The following PCDHA7 variants were observed in gnomAD, a reference collection of about 807,000 sequenced individuals.
PCDHA7 encodes protocadherin alpha-7.
A neutral mutation model predicts 57.2 loss-of-function variants in PCDHA7; 37 were observed. That is an observed-to-expected ratio of 0.65 (90% CI 0.50 to 0.85). The LOEUF (loss-of-function observed/expected upper bound fraction) is 0.85, where lower values mean the gene tolerates loss of function less well. Among genes scored for constraint, PCDHA7 ranks in the 40% least tolerant of loss-of-function variants. PCDHA7 has a pLI of 0.00. For synonymous variants in PCDHA7, 553 were observed against 558.8 expected, an observed-to-expected ratio of 0.99 and a Z score of 0.15; for missense variants, 1,188 against 1,241.8, an observed-to-expected ratio of 0.96 and a Z score of 0.65.
chr5:140,846,741 C>G (rs1466625417), intron 1 of PCDHA7, among the ~76,000 whole-genome samples: 1 of 149,290 alleles, frequency 6.7e-6, no homozygotes, highest in African/African-American at 2.5e-5. Flanking sequence ...AAATAGGACC[C>G]TTACAGATCT....
intron 1 of PCDHA7, among the ~76,000 whole-genome samples, chr5:140,846,538 C>A (rs553937365): frequency 1.3e-5 from 2 of 148,384 alleles, no homozygotes; most frequent in African/African-American, 4.9e-5. Context: ...CCATGCCCTG[C>A]TAATTTTTTG....
At chr5:140,897,381 T>C (rs1258843270) in intron 1 of PCDHA7, among the ~76,000 whole-genome samples, 1 of 136,686 alleles carries the variant, frequency 7.3e-6, no homozygotes, top group Non-Finnish European at 1.5e-5. Flanking sequence ...CCCTTCCCCT[T>C]CCTGTGTCCA....
At chr5:140,905,234 C>T (rs1303215169) in intron 1 of PCDHA7, among the ~76,000 whole-genome samples, 1 of 152,144 alleles carries the variant, frequency 6.6e-6, no homozygotes, top group African/African-American at 2.4e-5. Flanking sequence ...GATGAGGATC[C>T]AGTTTCATTC....
rs782610584 is a variant in PCDHA7 at position 140,883,582 on chromosome 5, G to C, written c.2355+46844G>C. 38 of 1,613,902 alleles carry C rather than the reference G, an allele frequency of 2.4e-5. No homozygotes were observed. The African/African-American group carries it at 3.7e-4, about 16-fold the overall frequency. ...GGGGCTCGCCTTCGCTGTGGGCCAC[G>C]GCCAGCGTGTCGGTGGGGGTGGCCG... is the stretch of plus-strand genomic sequence containing the variant. On this transcript the variant is annotated intron_variant, in intron 1 of 3. Transcript: ENST00000525929.
rs2150353196 is a variant in PCDHA7 at position 140,843,120 on chromosome 5, A to G, written c.2355+6382A>G. The G allele has an allele frequency of 2.5e-6, 4 of 1,595,472 alleles. 1 individual carries two copies. Among genetic ancestry groups the G allele is most frequent in the Non-Finnish European group, 3.4e-6 (4 of 1,165,480 alleles). Reference sequence around the variant, plus strand: ...GCGAAGGTGCGCGCAGTGGACGCCGACTCGGGCTACAACGCGTGGCTTTCG... The same window carrying G: ...GCGAAGGTGCGCGCAGTGGACGCCGGCTCGGGCTACAACGCGTGGCTTTCG... On this transcript the variant is annotated intron_variant, in intron 1 of 3. Coordinates refer to ENST00000525929, the MANE Select transcript of PCDHA7 (RefSeq NM_018910.3).
rs782242128 is a variant in PCDHA7 at position 140,928,580 on chromosome 5, GT to G, written c.2356-50367del. 100 of 1,614,112 alleles carry G rather than the reference GT, an allele frequency of 6.2e-5. 1 individual carries two copies. The East Asian group carries it at 2.2e-3, about 36-fold the overall frequency. ...ATCTTGTTTCCCTTGCCCAGAAATG[GT>G]TCTGTCCCAGTGGAAATTGTGCCCC... On this transcript the variant is annotated intron_variant, in intron 1 of 3. Transcript: ENST00000525929.
intron 1 of PCDHA7, chr5:140,883,274 C>T (rs1554177451): frequency 1.9e-6 from 3 of 1,613,998 alleles, no homozygotes; most frequent in South Asian, 2.2e-5. Flanking sequence ...TCATTGTACC[C>T]TTTTGGTGGA....
At chr5:140,981,049 T>C (rs2096916420) in intron 2 of PCDHA7, among the ~76,000 whole-genome samples, 1 of 152,158 alleles carries the variant, frequency 6.6e-6, no homozygotes. Context: ...AAACAGATAA[T>C]TCTAGAGTGT....
At chr5:140,974,931 A>G (rs555720345) in intron 1 of PCDHA7, among the ~76,000 whole-genome samples, 1 of 152,324 alleles carries the variant, frequency 6.6e-6, no homozygotes, top group African/African-American at 2.4e-5. Context: ...TGTTTAAAAC[A>G]CCACCTATTT....
chr5:140,975,396 A>G (rs1366048936), intron 1 of PCDHA7, among the ~76,000 whole-genome samples: 2 of 152,248 alleles, frequency 1.3e-5, no homozygotes, highest in African/African-American at 4.8e-5. Flanking sequence ...GATCCATCAC[A>G]ATCACAGTCT....
At chr5:140,883,927 G>A (rs781895204) in intron 1 of PCDHA7, 2 of 1,613,456 alleles carry the variant, frequency 1.2e-6, no homozygotes, top group South Asian at 1.1e-5. Flanking sequence ...CGCTGCAGGT[G>A]TTCGTGCTGG....
At chr5:140,875,951 C>T in intron 1 of PCDHA7, 1 of 1,614,116 alleles carries the variant, frequency 6.2e-7, no homozygotes, top group South Asian at 1.1e-5. Context: ...GCTTCTGATG[C>T]GGATATCGGC....
At chr5:140,935,253 A>G (rs1469038997) in intron 1 of PCDHA7, among the ~76,000 whole-genome samples, 1 of 152,226 alleles carries the variant, frequency 6.6e-6, no homozygotes, top group Non-Finnish European at 1.5e-5. Flanking sequence ...GATAAAATAC[A>G]TCACATGTTT....
At chr5:140,994,329 T>A (rs1041024319) in intron 3 of PCDHA7, among the ~76,000 whole-genome samples, 2 of 152,096 alleles carry the variant, frequency 1.3e-5, no homozygotes, top group Non-Finnish European at 2.9e-5. Context: ...TCAGCAACCA[T>A]GAACAGTGGA....
At chr5:140,965,402 G>A (rs1554227671) in intron 1 of PCDHA7, among the ~76,000 whole-genome samples, 1 of 152,112 alleles carries the variant, frequency 6.6e-6, no homozygotes, top group Non-Finnish European at 1.5e-5. Context: ...AGTCTAAGGA[G>A]TCTTATATTT....
At chr5:140,951,276 T>C (rs1554219829) in intron 1 of PCDHA7, among the ~76,000 whole-genome samples, 1 of 152,200 alleles carries the variant, frequency 6.6e-6, no homozygotes, top group African/African-American at 2.4e-5. Context: ...CTATGTTAGG[T>C]AATTTTGGAT....
chr5:141,010,272 T>C lies in PCDHA7; in HGVS notation c.*335T>C. On this transcript the variant is annotated 3_prime_UTR_variant, in exon 4 of 4. Coordinates refer to ENST00000525929, the MANE Select transcript of PCDHA7 (RefSeq NM_018910.3). ...TCTCTGCCCTGTGCTCCGGGGATCC[T>C]GTCTTGATGACACTTGCAGGGCAGG... The C allele has an allele frequency of 6.4e-7, 1 of 1,551,508 alleles. No homozygotes were observed. Among genetic ancestry groups the C allele is most frequent in the Non-Finnish European group, 8.7e-7 (1 of 1,146,940 alleles).
intron 1 of PCDHA7, among the ~76,000 whole-genome samples, chr5:140,965,769 A>G (rs571022357): frequency 2.0e-5 from 3 of 152,376 alleles, no homozygotes; most frequent in Admixed American, 2.0e-4. Flanking sequence ...GTCAAATAAT[A>G]GATTTGCCTA....
chr5:140,929,613 C>G (rs1485250435), intron 1 of PCDHA7: 2 of 406,044 alleles, frequency 4.9e-6, no homozygotes, highest in Admixed American at 8.8e-5. Flanking sequence ...AATAAAATAC[C>G]AAAATATTTT....
Sources: allele counts gnomAD v4.1 joint callset (sites outside exome capture counted in the v4.1 genomes callset), GRCh38; gene constraint gnomAD v4.1.1; transcripts MANE v1.5; gene names NCBI Gene and HGNC (gene_info 2026-07-23, HGNC 2026-07-21).